PRKD1: variants seen among roughly 807,000 people sequenced by gnomAD.
PRKD1 encodes protein kinase D1.
In PRKD1, 63 loss-of-function variants were observed where a neutral mutation model predicts 95.9. The ratio of observed to expected loss-of-function variants is 0.66; its 90% CI spans 0.54 to 0.81. The LOEUF (loss-of-function observed/expected upper bound fraction) is 0.81, where lower values mean the gene tolerates loss of function less well. Among genes scored for constraint, PRKD1 ranks in the 30% least tolerant of loss-of-function variants. The pLI is 0.00. For missense variants in PRKD1, 1,048 were observed against 1,165.3 expected, an observed-to-expected ratio of 0.90 and a Z score of 1.47; for synonymous variants, 425 against 423.1, an observed-to-expected ratio of 1.00 and a Z score of -0.05.
chr14:29,677,218 G>A (rs925813968), intron 2 of PRKD1, among the ~76,000 whole-genome samples: 4 of 152,072 alleles, frequency 2.6e-5, no homozygotes, highest in Non-Finnish European at 5.9e-5. Context: ...CACTTATCAA[G>A]CACTTACTTT....
chr14:29,725,778 GTATCTAGATCATTAAAATATTTTA>G, intron 1 of PRKD1, 104 bp from the exon 2 acceptor site: 1 of 1,150,094 alleles, frequency 8.7e-7, no homozygotes, highest in Non-Finnish European at 1.2e-6. Context: ...AAAGTTCAAA[GTATCTAGATCATTAAAATATTTTA>G]AAATTAAAAA....
intron 1 of PRKD1, among the ~76,000 whole-genome samples, chr14:29,849,869 T>G (rs548372964): frequency 6.6e-6 from 1 of 152,324 alleles, no homozygotes; most frequent in African/African-American, 2.4e-5. Context: ...TAGTCGACTT[T>G]ATTCCCAGGA....
rs375208432 is a variant in PRKD1, at chr14:29,888,572, TAGC to T, written c.264+38674_264+38676del. Among the ~76,000 whole-genome samples the T allele has an allele frequency of 9.3e-4, 141 of 152,288 alleles. 3 individuals carry two copies. The highest frequency in any genetic ancestry group is 3.3e-3 in the African/African-American group (136 of 41,582). On this transcript the variant is annotated intron_variant, in intron 1 of 17. Coordinates refer to ENST00000331968, the MANE Select transcript of PRKD1 (RefSeq NM_002742.3). ...AAACCTACATGATATAATTCAATGT[TAGC>T]AGCAAATCCGAAGTGGTACTTGAGG...
chr14:29,881,443 G>A (rs2139395941), intron 1 of PRKD1, among the ~76,000 whole-genome samples: 1 of 152,176 alleles, frequency 6.6e-6, no homozygotes, highest in Admixed American at 6.5e-5. Context: ...TCTCGGGTAT[G>A]TCTCTATCAG....
chr14:29,687,296 C>T (rs1883938495), intron 2 of PRKD1, among the ~76,000 whole-genome samples: 1 of 152,126 alleles, frequency 6.6e-6, no homozygotes, highest in South Asian at 2.1e-4. Flanking sequence ...ATTCTACCAG[C>T]AGTACTAAAG....
intron 1 of PRKD1, among the ~76,000 whole-genome samples, chr14:29,913,898 T>G (rs909778585): frequency 5.9e-5 from 9 of 152,172 alleles, no homozygotes; most frequent in Admixed American, 5.2e-4. Context: ...GCTGGAGATG[T>G]CTGCTGCCTT....
chr14:29,682,664 T>G (rs1021667111), intron 2 of PRKD1, among the ~76,000 whole-genome samples: 4 of 152,158 alleles, frequency 2.6e-5, no homozygotes, highest in Non-Finnish European at 5.9e-5. Context: ...ACCGTTCAAG[T>G]GCTCATGGAA....
At chr14:29,790,068 G>A (rs1243863983) in intron 1 of PRKD1, among the ~76,000 whole-genome samples, 1 of 136,316 alleles carries the variant, frequency 7.3e-6, no homozygotes, top group East Asian at 2.2e-4. Context: ...CTGGAGTGCA[G>A]TGGCACAATC....
intron 4 of PRKD1, among the ~76,000 whole-genome samples, chr14:29,643,646 A>G (rs1216559493): frequency 6.6e-6 from 1 of 152,214 alleles, no homozygotes; most frequent in Non-Finnish European, 1.5e-5. Context: ...AACATTTAAT[A>G]GGACTGAAAT....
chr14:29,619,181 C>G (rs1330909530), intron 13 of PRKD1, among the ~76,000 whole-genome samples: 1 of 151,122 alleles, frequency 6.6e-6, no homozygotes, highest in East Asian at 1.9e-4. Context: ...TTTTTTTTAA[C>G]AGATGAGAGT....
chr14:29,627,039 A>G (rs902177523), intron 11 of PRKD1, among the ~76,000 whole-genome samples: 1 of 152,206 alleles, frequency 6.6e-6, no homozygotes, highest in South Asian at 2.1e-4. Context: ...AATTAATGTA[A>G]TAACGTAATG....
At chr14:29,611,758 A>C (rs931917439) in intron 13 of PRKD1, among the ~76,000 whole-genome samples, 7 of 152,018 alleles carry the variant, frequency 4.6e-5, no homozygotes, top group Non-Finnish European at 1.0e-4. Flanking sequence ...AAAAAAAAAA[A>C]AACAAACGCT....
chr14:29,599,300 A>T (rs184554156), intron 14 of PRKD1, among the ~76,000 whole-genome samples, 175 bp from the exon 15 acceptor site: 213 of 152,356 alleles, frequency 1.4e-3, no homozygotes, highest in African/African-American at 4.8e-3. Context: ...TGAAAAAATT[A>T]CCATATGATG....
Position 29,592,088 on chromosome 14 carries a change from AAT to A in PRKD1, c.2434+5401_2434+5402del, listed in dbSNP as rs535480291. Among the ~76,000 whole-genome samples the A allele has an allele frequency of 4.6e-3, 701 of 152,276 alleles. 1 individual carries two copies. Among genetic ancestry groups the A allele is most frequent in the Non-Finnish European group, 6.3e-3 (426 of 68,022 alleles). Reference sequence around the variant, plus strand: ...TTCAAGGAACCGAGAAGGGTAACAGAATGAATGTGTTGACCTTTAAGCCTAAT... The same window carrying A: ...TTCAAGGAACCGAGAAGGGTAACAGAGAATGTGTTGACCTTTAAGCCTAAT... On this transcript the variant is annotated intron_variant, in intron 16 of 17. Transcript: ENST00000331968.
intron 1 of PRKD1, among the ~76,000 whole-genome samples, chr14:29,740,665 C>A (rs1308453567): frequency 6.6e-6 from 1 of 152,176 alleles, no homozygotes; most frequent in African/African-American, 2.4e-5. Context: ...TTGAATAAAA[C>A]CAAAGTAAAT....
At chr14:29,771,245 A>G (rs1888495268) in intron 1 of PRKD1, among the ~76,000 whole-genome samples, 1 of 152,128 alleles carries the variant, frequency 6.6e-6, no homozygotes, top group Non-Finnish European at 1.5e-5. Flanking sequence ...GTTCATCAAG[A>G]TGATGGACGA....
chr14:29,666,866 C>A (rs1310067427), intron 2 of PRKD1, among the ~76,000 whole-genome samples: 2 of 152,102 alleles, frequency 1.3e-5, no homozygotes, highest in African/African-American at 4.8e-5. Flanking sequence ...CTGAGAAATA[C>A]ACCTTAATCA....
intron 2 of PRKD1, among the ~76,000 whole-genome samples, chr14:29,675,231 G>T (rs1044057930): frequency 2.0e-5 from 3 of 152,138 alleles, no homozygotes; most frequent in Admixed American, 6.5e-5. Flanking sequence ...AGAGCTTTAA[G>T]AAAAATCTGA....
At chr14:29,897,165 C>T (rs1294482326) in intron 1 of PRKD1, among the ~76,000 whole-genome samples, 1 of 151,780 alleles carries the variant, frequency 6.6e-6, no homozygotes, top group African/African-American at 2.4e-5. Context: ...TTTACTCAAC[C>T]ATATATCGTG....
Sources: gnomAD v4.1 joint callset for allele counts (sites outside exome capture counted in the v4.1 genomes callset) on GRCh38, gnomAD v4.1.1 for gene constraint, MANE v1.5 for transcripts, NCBI Gene and HGNC (gene_info 2026-07-23, HGNC 2026-07-21) for gene names.